CWC22: variants seen among roughly 807,000 people sequenced by gnomAD.
CWC22 encodes the protein CWC22 spliceosome associated protein.
A neutral mutation model predicts 117.2 loss-of-function variants in CWC22; 53 were observed. The observed-to-expected ratio is 0.45, with a 90% CI of 0.36 to 0.57. CWC22 has a LOEUF of 0.57. CWC22 is among the 20% of genes least tolerant of loss of function. The pLI, the probability that CWC22 is intolerant of heterozygous loss-of-function variation, is 0.00. For missense variants in CWC22, 980 were observed against 1,068.8 expected (o/e 0.92, Z 1.16); for synonymous variants, 360 against 355.6 (o/e 1.01, Z -0.14).
chr2:179,979,252 T>C (rs1335653718), intron 5 of CWC22, among the ~76,000 whole-genome samples: 5 of 140,566 alleles, frequency 3.6e-5, no homozygotes, highest in African/African-American at 1.4e-4. Context: ...AAAAGTTTGA[T>C]ATAATATTCT....
intron 1 of CWC22, among the ~76,000 whole-genome samples, chr2:179,998,524 C>T (rs1687765885): frequency 6.6e-6 from 1 of 151,966 alleles, no homozygotes; most frequent in African/African-American, 2.4e-5. Flanking sequence ...TTATCTGATG[C>T]CAAAGCCATA....
intron 1 of CWC22, among the ~76,000 whole-genome samples, chr2:180,001,803 T>C (rs1687855747): frequency 6.6e-6 from 1 of 152,248 alleles, no homozygotes; most frequent in Non-Finnish European, 1.5e-5. Context: ...ATCCCCTTCT[T>C]GAAGTTCTCA....
intron 19 of CWC22, among the ~76,000 whole-genome samples, chr2:179,947,195 T>C (rs1330920079): frequency 6.6e-6 from 1 of 152,168 alleles, no homozygotes; most frequent in African/African-American, 2.4e-5. Flanking sequence ...TACCAGCCTC[T>C]ATTTCTTCCG....
chr2:179,950,560 T>C lies in CWC22; in HGVS notation c.2092A>G (p.Ser698Gly). 8.7e-6 allele frequency: 14 copies of C among 1,613,190 alleles called. No homozygotes were observed. The highest frequency in any genetic ancestry group is 1.1e-5 in the Non-Finnish European group (13 of 1,179,398). The change falls in exon 19 of 20, where the codon AGT (serine) becomes GGT (glycine). Residue 698 changes from serine to glycine, a missense_variant. Ser to Gly is a moderately conservative substitution (Grantham distance 56). This residue lies in a region of CWC22 where 306 missense variants were observed against 296.8 expected (regional missense o/e 1.03). Coordinates refer to ENST00000410053, the MANE Select transcript of CWC22 (RefSeq NM_020943.3). ...ATGGATGAAGAGTCGCTCTCTTCAC[T>C]GGAAGACTCTGAACTGCTATCACTG... ...DSSDSSSESS[S>G]EESDSSSISS...
At chr2:179,952,297 A>G (rs116531803) in intron 17 of CWC22, among the ~76,000 whole-genome samples, 174 bp downstream of exon 17, 127 of 152,240 alleles carry the variant, frequency 8.3e-4, no homozygotes, top group African/African-American at 2.9e-3. Flanking sequence ...AACCACCACT[A>G]AAAGTTGCAT....
At chr2:179,985,548 A>C (rs993217751) in intron 4 of CWC22, among the ~76,000 whole-genome samples, 6 of 152,026 alleles carry the variant, frequency 3.9e-5, no homozygotes, top group African/African-American at 1.4e-4. Context: ...GGAATTATTA[A>C]AACGCCGACA....
intron 4 of CWC22, among the ~76,000 whole-genome samples, chr2:179,985,340 G>T (rs1355908555): frequency 6.6e-6 from 1 of 152,042 alleles, no homozygotes; most frequent in Non-Finnish European, 1.5e-5. Flanking sequence ...TTAAGTACTT[G>T]AGAGTATTTC....
chr2:179,950,990 A>T (rs1559284220), intron 17 of CWC22, 64 bp from the exon 18 acceptor site: 2 of 1,046,062 alleles, frequency 1.9e-6, no homozygotes, highest in Non-Finnish European at 2.8e-6. Context: ...TAAAATCCTT[A>T]GTCATTTTTC....
intron 6 of CWC22, among the ~76,000 whole-genome samples, chr2:179,975,042 T>A (rs1039420345): frequency 1.3e-5 from 2 of 152,302 alleles, no homozygotes; most frequent in African/African-American, 4.8e-5. Flanking sequence ...CGACCGTGCC[T>A]GGCCACTACA....
chr2:179,985,730 T>G (rs1687402831), intron 4 of CWC22, among the ~76,000 whole-genome samples: 1 of 152,104 alleles, frequency 6.6e-6, no homozygotes, highest in Non-Finnish European at 1.5e-5. Context: ...ATCGTTCTAT[T>G]TTAGTATTAG....
Position 180,007,286 on chromosome 2 carries a change from A to G in CWC22, c.-533T>C, listed in dbSNP as rs1012313973. On this transcript the variant is annotated 5_prime_UTR_variant, in exon 1 of 20. Transcript: ENST00000410053. ...TGTCTTGTTGCCAAAATGGCGACAA[A>G]AAAGAGAAGTTGGCATGAACTACAA... Among the ~76,000 whole-genome samples the G allele has an allele frequency of 1.3e-5, 2 of 152,252 alleles. No homozygotes were observed. Among genetic ancestry groups the G allele is most frequent in the Admixed American group, 6.5e-5 (1 of 15,288 alleles).
At chr2:179,966,495 T>C (rs917409699) in intron 11 of CWC22, among the ~76,000 whole-genome samples, 1 of 152,230 alleles carries the variant, frequency 6.6e-6, no homozygotes, top group Non-Finnish European at 1.5e-5. Context: ...TTAAAATACA[T>C]ATCTCTAAAT....
In CWC22 at chr2:179,993,451, T is replaced by G; in HGVS notation, c.-110A>C. 1.3e-6 allele frequency: 1 copy of G among 745,714 alleles called. No homozygotes were observed. 46.2% of individuals were successfully genotyped at this position (745,714 alleles called of 1,614,324 possible). A position where few individuals can be genotyped will look rare whatever the true frequency, so the allele number is the denominator to read the frequency against. On this transcript the variant is annotated 5_prime_UTR_variant, in exon 2 of 20. The change abolishes an upstream ATG in the 5' untranslated region. Transcript: ENST00000410053. ...AGTTTACTTTTTCTGTCTGCAAACA[T>G]CACCTATAAAATATACCAAAGAAAG... is the stretch of plus-strand genomic sequence containing the variant.
chr2:179,946,183 C>A (rs1271591963), intron 19 of CWC22, among the ~76,000 whole-genome samples: 1 of 151,994 alleles, frequency 6.6e-6, no homozygotes, highest in African/African-American at 2.4e-5. Flanking sequence ...GTGGCTCATG[C>A]CTATAATCCC....
intron 1 of CWC22, among the ~76,000 whole-genome samples, chr2:180,002,793 G>A (rs10185527): frequency 0.022 from 3,325 of 152,274 alleles, 118 homozygotes; most frequent in African/African-American, 0.075. Flanking sequence ...CAGGAAATAC[G>A]ATAAGCATGT....
chr2:179,965,042 C>A (rs1377851392), intron 12 of CWC22, among the ~76,000 whole-genome samples: 2 of 151,720 alleles, frequency 1.3e-5, no homozygotes, highest in Admixed American at 1.3e-4. Flanking sequence ...CTGGATGAGT[C>A]CAACATAAAT....
chr2:179,973,512 A>C, intron 7 of CWC22, 122 bp downstream of exon 7: 1 of 713,596 alleles, frequency 1.4e-6, no homozygotes, highest in Non-Finnish European at 2.3e-6. Context: ...CTCATGAAAG[A>C]CAGTTTTTAA....
chr2:179,978,046 TA>T, intron 6 of CWC22, 143 bp downstream of exon 6: 5 of 1,070,400 alleles, frequency 4.7e-6, no homozygotes, highest in Non-Finnish European at 6.0e-6. Flanking sequence ...TCTATATTTT[TA>T]TAAGTCCTGC....
rs2105521682 is a variant in CWC22, at chr2:179,964,977, G to GCGTAAAATCTTGGTAATTTAGACGCACTA, written c.1316-350_1316-349insTAGTGCGTCTAAATTACCAAGATTTTACG. Among the ~76,000 whole-genome samples the GCGTAAAATCTTGGTAATTTAGACGCACTA allele has an allele frequency of 2.6e-5, 4 of 152,216 alleles. No individual in the cohort carries two copies. The South Asian group carries it at 8.3e-4, about 32-fold the overall frequency. ...AATATCTTGGTAATTTAGACGCACTGTATAACTCATGCGTAAAAATTCAGT... is the reference window on the plus strand; with the variant it reads ...AATATCTTGGTAATTTAGACGCACTGCGTAAAATCTTGGTAATTTAGACGCACTATATAACTCATGCGTAAAAATTCAGT... On this transcript the variant is annotated intron_variant, in intron 12 of 19. Transcript: ENST00000410053.
Sources: allele counts gnomAD v4.1 joint callset (sites outside exome capture counted in the v4.1 genomes callset), GRCh38; gene constraint gnomAD v4.1.1; regional missense constraint gnomAD v4.1.1; transcripts MANE v1.5; gene names NCBI Gene and HGNC (gene_info 2026-07-23, HGNC 2026-07-21).